Variants in TIAM2 observed in about 807,000 individuals in gnomAD.
TIAM2 encodes rho guanine nucleotide exchange factor TIAM2.
A neutral mutation model predicts 152.9 loss-of-function variants in TIAM2; 80 were observed. That is an observed-to-expected ratio of 0.52 (90% CI 0.44 to 0.63). The LOEUF is 0.63. TIAM2 is among the 30% of genes least tolerant of loss of function. The pLI is 0.00. For missense variants in TIAM2, 1,965 were observed against 2,120.1 expected, an observed-to-expected ratio of 0.93 and a Z score of 1.44; for synonymous variants, 804 against 838.0, an observed-to-expected ratio of 0.96 and a Z score of 0.70.
chr6:155,017,685 T>C lies in TIAM2; in HGVS notation c.-209+22193T>C, dbSNP rs181527942. 2.5e-3 allele frequency among the ~76,000 whole-genome samples: 379 copies of C among 152,038 alleles called. 7 individuals carry two copies. Among genetic ancestry groups the C allele is most frequent in the African/African-American group, 8.8e-3 (365 of 41,468 alleles). On this transcript the variant is annotated intron_variant, in intron 1 of 26. Transcript: ENST00000682666. Reference sequence around the variant, plus strand: ...CGCCCGGCTAATTTTTTGTATTTTTTGTAGAAACGGGGTTTCACCGTGTTA... The same window carrying C: ...CGCCCGGCTAATTTTTTGTATTTTTCGTAGAAACGGGGTTTCACCGTGTTA...
At chr6:155,172,329 T>C (rs541792141) in intron 9 of TIAM2, among the ~76,000 whole-genome samples, 1 of 152,154 alleles carries the variant, frequency 6.6e-6, no homozygotes, top group East Asian at 1.9e-4. Context: ...CAGGAAGTTC[T>C]TTATAGTGGC....
intron 9 of TIAM2, among the ~76,000 whole-genome samples, chr6:155,168,671 C>T (rs934339104): frequency 3.3e-5 from 5 of 152,038 alleles, no homozygotes; most frequent in Admixed American, 2.0e-4. Flanking sequence ...AAAAGTAAAA[C>T]GTAACTATGC....
intron 18 of TIAM2, 104 bp downstream of exon 18, chr6:155,244,887 TTGACTATTTATTGTCCTG>T: frequency 7.4e-7 from 1 of 1,354,380 alleles, no homozygotes; most frequent in Non-Finnish European, 1.0e-6. Flanking sequence ...CCTGTGACTA[TTGACTATTTATTGTCCTG>T]TGACTATTTC....
intron 16 of TIAM2, among the ~76,000 whole-genome samples, chr6:155,241,544 T>C (rs1327642917): frequency 6.6e-6 from 1 of 152,162 alleles, no homozygotes; most frequent in African/African-American, 2.4e-5. Context: ...GCTGGGTCCA[T>C]GAATTAAGGC....
intron 2 of TIAM2, among the ~76,000 whole-genome samples, chr6:155,097,744 T>G (rs1041497793): frequency 1.3e-5 from 2 of 152,224 alleles, no homozygotes; most frequent in East Asian, 3.8e-4. Flanking sequence ...ACCAATGTCC[T>G]GAAGCATTTC....
At chr6:155,063,467 TA>T (rs1175252875) in intron 1 of TIAM2, among the ~76,000 whole-genome samples, 1 of 152,090 alleles carries the variant, frequency 6.6e-6, no homozygotes, top group Admixed American at 6.6e-5. Context: ...ATCTGGGTGA[TA>T]GTTACATGAG....
chr6:155,191,914 C>T (rs1349444061), intron 14 of TIAM2, among the ~76,000 whole-genome samples: 1 of 152,158 alleles, frequency 6.6e-6, no homozygotes, highest in Non-Finnish European at 1.5e-5. Context: ...CCACCCCAAA[C>T]ATGTCCACAT....
chr6:155,059,389 T>A (rs1264934425), intron 1 of TIAM2, among the ~76,000 whole-genome samples: 1 of 151,958 alleles, frequency 6.6e-6, no homozygotes, highest in Non-Finnish European at 1.5e-5. Flanking sequence ...AGTGGCACGA[T>A]CTCATCTGAC....
chr6:155,109,350 G>T (rs1778779253), intron 2 of TIAM2, among the ~76,000 whole-genome samples: 1 of 152,134 alleles, frequency 6.6e-6, no homozygotes, highest in African/African-American at 2.4e-5. Flanking sequence ...TTTTTTAAAG[G>T]AATAATTTGC....
At chr6:155,148,555 A>G (rs1562332500) in intron 7 of TIAM2, among the ~76,000 whole-genome samples, 2 of 152,134 alleles carry the variant, frequency 1.3e-5, no homozygotes, top group South Asian at 2.1e-4. Flanking sequence ...TGGCGGCTCT[A>G]TGTATATACT....
At chr6:154,996,026 G>A (rs1177988287) in intron 1 of TIAM2, among the ~76,000 whole-genome samples, 2 of 152,104 alleles carry the variant, frequency 1.3e-5, no homozygotes, top group Non-Finnish European at 2.9e-5. Context: ...CAGCCCCTCC[G>A]GCCTTTCCGA....
intron 1 of TIAM2, among the ~76,000 whole-genome samples, chr6:155,032,066 A>G (rs1434750995): frequency 6.6e-6 from 1 of 152,082 alleles, no homozygotes; most frequent in Non-Finnish European, 1.5e-5. Flanking sequence ...CGTGTACTTT[A>G]TACGATGGAA....
intron 1 of TIAM2, among the ~76,000 whole-genome samples, chr6:155,040,902 C>CA (rs747336881): frequency 3.3e-5 from 5 of 152,018 alleles, no homozygotes; most frequent in Non-Finnish European, 4.4e-5. Context: ...AAAATGATGG[C>CA]AAAAGTCAAA....
intron 6 of TIAM2, among the ~76,000 whole-genome samples, chr6:155,147,199 C>T (rs538532444): frequency 7.2e-6 from 1 of 138,554 alleles, no homozygotes; most frequent in East Asian, 2.1e-4. Context: ...TGTATTGAGG[C>T]CATACTGTAG....
At position 155,218,944 on chromosome 6, in the gene TIAM2, C is replaced by T. The variant is rs111313497; in HGVS notation, c.3168+7637C>T. ...GCCGTGTTCTTGACCATCTCAGCCG[C>T]CCACCCGTGTTCTTGACCATCTCAG... On this transcript the variant is annotated intron_variant, in intron 15 of 26. Transcript: ENST00000682666. This position sits in a 1 kb window ranked among gnomAD's most constrained non-coding sequence, Gnocchi z 4.5. Among the ~76,000 whole-genome samples the T allele has an allele frequency of 7.0e-6, 1 of 142,508 alleles. No individual in the cohort carries two copies. The highest frequency in any genetic ancestry group is 7.0e-5 in the Admixed American group (1 of 14,308). 93.5% of individuals were successfully genotyped at this position (142,508 alleles called of 152,430 possible). A position where few individuals can be genotyped will look rare whatever the true frequency, so the allele number is the denominator to read the frequency against.
chr6:155,099,266 A>T lies in TIAM2; in HGVS notation c.-118+8887A>T, dbSNP rs902042150. On this transcript the variant is annotated intron_variant, in intron 2 of 26. Coordinates refer to ENST00000682666, the MANE Select transcript of TIAM2 (RefSeq NM_012454.4). ...TGTGTGTGTGTGTGTGTGTGTAATA[A>T]AATATCTCATTTCCAAGATAATTGA... Among the ~76,000 whole-genome samples the T allele has an allele frequency of 2.0e-5, 3 of 150,936 alleles. No individual in the cohort carries two copies. The East Asian group carries it at 5.8e-4, about 29-fold the overall frequency.
chr6:155,226,960 G>A (rs954909729), intron 15 of TIAM2, among the ~76,000 whole-genome samples: 27 of 152,214 alleles, frequency 1.8e-4, no homozygotes, highest in African/African-American at 1.9e-4. Flanking sequence ...GTCCCGTGGC[G>A]AAGGCCATCC....
chr6:155,073,159 CT>C (rs34459359), intron 1 of TIAM2, among the ~76,000 whole-genome samples: 1,727 of 105,268 alleles, frequency 0.016, 29 homozygotes, highest in African/African-American at 0.053. Flanking sequence ...TGATTAAGTT[CT>C]TTTTTTTTTT....
At chr6:155,063,822 T>G (rs1168608645) in intron 1 of TIAM2, among the ~76,000 whole-genome samples, 1 of 148,958 alleles carries the variant, frequency 6.7e-6, no homozygotes, top group Non-Finnish European at 1.5e-5. Context: ...CTGTTAAGAC[T>G]TGTGCACTTT....
Sources: gnomAD v4.1 joint callset for allele counts (sites outside exome capture counted in the v4.1 genomes callset) on GRCh38, gnomAD v4.1.1 for gene constraint, Gnocchi (gnomAD v3.1) non-coding constraint, MANE v1.5 for transcripts, NCBI Gene and HGNC (gene_info 2026-07-23, HGNC 2026-07-21) for gene names.